SGF29: variants seen among roughly 807,000 people sequenced by gnomAD.
SGF29 encodes the protein SAGA-associated factor 29.
SGF29 carries 15 observed loss-of-function variants against 38.1 expected under a neutral mutation model. The ratio of observed to expected loss-of-function variants is 0.39; its 90% CI spans 0.26 to 0.61. The LOEUF (loss-of-function observed/expected upper bound fraction) is 0.61. Ranked by LOEUF, SGF29 falls within the 20% of genes least tolerant of loss-of-function variation. The probability of loss-of-function intolerance (pLI) is 0.49; values close to 1 mark genes in which losing one functional copy is unlikely to be tolerated. For missense variants in SGF29, 184 were observed against 394.6 expected (o/e 0.47, Z 4.52); for synonymous variants, 151 against 160.8 (o/e 0.94, Z 0.46).
At chr16:28,564,679 ATATATGTG>A (rs2046818977) in intron 1 of SGF29, among the ~76,000 whole-genome samples, 2 of 89,664 alleles carry the variant, frequency 2.2e-5, no homozygotes, top group African/African-American at 9.1e-5. Context: ...ATATATGTAT[ATATATGTG>A]TATATATATG....
At chr16:28,561,161 T>C (rs2046786838) in intron 1 of SGF29, among the ~76,000 whole-genome samples, 1 of 151,830 alleles carries the variant, frequency 6.6e-6, no homozygotes, top group Non-Finnish European at 1.5e-5. Flanking sequence ...GGAGGCTGAG[T>C]CGGGAGGATC....
At chr16:28,585,509 C>T (rs990096315) in intron 3 of SGF29, 139 bp from the exon 4 acceptor site, 4 of 746,718 alleles carry the variant, frequency 5.4e-6, no homozygotes, top group Non-Finnish European at 9.4e-6. Flanking sequence ...GCCTCAGGAG[C>T]ACTCCTGAGC....
Position 28,590,521 on chromosome 16 carries a change from G to A in SGF29, c.566+79G>A. The A allele has an allele frequency of 1.2e-6, 2 of 1,612,708 alleles. No individual in the cohort carries two copies. The highest frequency in any genetic ancestry group is 1.7e-6 in the Non-Finnish European group (2 of 1,179,340). On this transcript the variant is annotated intron_variant, in intron 7 of 9. Coordinates refer to ENST00000317058, the MANE Select transcript of SGF29 (RefSeq NM_138414.3). The surrounding 1 kb of genome is among the most constrained non-coding windows in gnomAD (Gnocchi z 8.2). ...ACGGGAGAAAAGCTCTGCAGAGGGT[G>A]CTCCCCAGAGGCTGGTTGTGCAGGG...
chr16:28,556,326 T>C (rs1334919421), intron 1 of SGF29, among the ~76,000 whole-genome samples: 1 of 151,844 alleles, frequency 6.6e-6, no homozygotes, highest in Non-Finnish European at 1.5e-5. Context: ...TGCACCACCA[T>C]GCCTGGCTAA....
At chr16:28,578,129 C>T (rs1342698967) in intron 1 of SGF29, among the ~76,000 whole-genome samples, 2 of 151,606 alleles carry the variant, frequency 1.3e-5, no homozygotes, top group Non-Finnish European at 2.9e-5. Flanking sequence ...GCTGGGATTA[C>T]AGGCGTGAGC....
intron 1 of SGF29, among the ~76,000 whole-genome samples, chr16:28,577,132 C>T (rs1038205551): frequency 3.9e-5 from 6 of 151,942 alleles, no homozygotes; most frequent in African/African-American, 1.5e-4. Flanking sequence ...CGTGCCATTG[C>T]ACTCCAGCCT....
chr16:28,590,050 G>A lies in SGF29; in HGVS notation c.290-46G>A. 1 of 1,585,976 alleles carries A rather than the reference G, an allele frequency of 6.3e-7. No individual in the cohort carries two copies. ...CAGTGCAGCATGCTCGGGGGTCAAG[G>A]CCGGCACCTATCCCTGGGGCCTCAG... On this transcript the variant is annotated intron_variant, in intron 5 of 9. Transcript: ENST00000317058. The surrounding 1 kb of genome is among the most constrained non-coding windows in gnomAD (Gnocchi z 8.2).
rs577053958 is a variant in SGF29, at chr16:28,590,242, C to T, written c.419+17C>T. ...TGGTGACAAGTGAGGGCAGCAGCTG[C>T]GAGGGAGGGGCTGGTGCCCAGGGGC... On this transcript the variant is annotated intron_variant, in intron 6 of 9. Transcript: ENST00000317058. This position sits in a 1 kb window ranked among gnomAD's most constrained non-coding sequence, Gnocchi z 8.2. 7.0e-5 allele frequency: 113 copies of T among 1,609,882 alleles called. 1 individual carries two copies. In the East Asian group the frequency reaches 1.9e-3, roughly 26 times the overall value.
chr16:28,578,648 C>A (rs1596604081), intron 1 of SGF29, among the ~76,000 whole-genome samples: 2 of 147,838 alleles, frequency 1.4e-5, no homozygotes, highest in South Asian at 2.1e-4. Flanking sequence ...TGAATCTGAT[C>A]TCTGTGAGTA....
intron 1 of SGF29, among the ~76,000 whole-genome samples, chr16:28,579,085 C>G (rs2046911056): frequency 6.6e-6 from 1 of 152,072 alleles, no homozygotes; most frequent in African/African-American, 2.4e-5. Context: ...CTGCCCCCAG[C>G]TTGAACAAAC....
intron 1 of SGF29, among the ~76,000 whole-genome samples, chr16:28,577,359 A>C (rs1260837542): frequency 6.6e-6 from 1 of 151,968 alleles, no homozygotes; most frequent in African/African-American, 2.4e-5. Context: ...CCAAAAAAAA[A>C]AAACAAAAAA....
intron 2 of SGF29, 69 bp from the exon 3 acceptor site, chr16:28,584,844 G>T: frequency 8.7e-7 from 1 of 1,143,304 alleles, no homozygotes; most frequent in Non-Finnish European, 1.3e-6. Context: ...GGGGACTCTG[G>T]CCTGGCTGGC....
intron 1 of SGF29, among the ~76,000 whole-genome samples, chr16:28,559,772 C>G (rs534431956): frequency 6.6e-6 from 1 of 152,288 alleles, no homozygotes; most frequent in African/African-American, 2.4e-5. Context: ...AAGATCAGTA[C>G]AGATTTCAGC....
Position 28,588,763 on chromosome 16 carries a change from G to A in SGF29, c.225-337G>A, listed in dbSNP as rs1038265581. The A allele has an allele frequency of 4.8e-5, 17 of 351,440 alleles. No individual in the cohort carries two copies. The Admixed American group carries it at 6.3e-4, about 13-fold the overall frequency. The allele number at this position is 351,440 out of a possible 1,614,324, so 21.8% of individuals were successfully genotyped here. A position where few individuals can be genotyped will look rare whatever the true frequency, so the allele number is the denominator to read the frequency against. On this transcript the variant is annotated intron_variant, in intron 4 of 9. Transcript: ENST00000317058. ...GTTTTGTATTTTTAATACAGACGGG[G>A]TTTCACCATATTGGTCAGGCTGGTC...
chr16:28,556,409 G>A (rs1015802022), intron 1 of SGF29, among the ~76,000 whole-genome samples: 2 of 152,044 alleles, frequency 1.3e-5, no homozygotes, highest in Admixed American at 1.3e-4. Context: ...TTGCAATGGC[G>A]CAATCATGGC....
chr16:28,585,014 A>G, intron 3 of SGF29, 26 bp downstream of exon 3: 2 of 1,589,764 alleles, frequency 1.3e-6, no homozygotes, highest in Non-Finnish European at 1.7e-6. Context: ...CAGGAGAGAA[A>G]GGGGATGAGA....
At chr16:28,564,145 G>A (rs2046806265) in intron 1 of SGF29, among the ~76,000 whole-genome samples, 1 of 152,142 alleles carries the variant, frequency 6.6e-6, no homozygotes, top group African/African-American at 2.4e-5. Context: ...AGAGGGGGCT[G>A]CATTCCCAGC....
At chr16:28,554,159 C>A (rs1051757833) in intron 1 of SGF29, 62 bp downstream of exon 1, 2 of 152,212 alleles carry the variant, frequency 1.3e-5, no homozygotes, top group African/African-American at 4.8e-5. Flanking sequence ...AGGGCTGAGT[C>A]CTCCCTCCGC....
chr16:28,586,359 C>G (rs535924370), intron 4 of SGF29, among the ~76,000 whole-genome samples: 1 of 151,920 alleles, frequency 6.6e-6, no homozygotes, highest in African/African-American at 2.4e-5. Flanking sequence ...GCTAGCATAG[C>G]GAAACCCTAT....
Sources: gnomAD v4.1 joint callset for allele counts (sites outside exome capture counted in the v4.1 genomes callset) on GRCh38, gnomAD v4.1.1 for gene constraint, Gnocchi (gnomAD v3.1) non-coding constraint, MANE v1.5 for transcripts, NCBI Gene and HGNC (gene_info 2026-07-23, HGNC 2026-07-21) for gene names.